Variants in B3GALT1 observed in about 807,000 individuals in gnomAD.
B3GALT1 encodes the protein beta-1,3-galactosyltransferase 1.
In B3GALT1, 10 loss-of-function variants were observed where a neutral mutation model predicts 23.2. The observed-to-expected ratio is 0.43, with a 90% CI of 0.27 to 0.73. The LOEUF (loss-of-function observed/expected upper bound fraction) is 0.73, where lower values mean the gene tolerates loss of function less well. Ranked by LOEUF, B3GALT1 falls within the 30% of genes least tolerant of loss-of-function variation. The probability of loss-of-function intolerance (pLI) is 0.21; values close to 1 mark genes in which losing one functional copy is unlikely to be tolerated. For missense variants in B3GALT1, 299 were observed against 405.4 expected (o/e 0.74, Z 2.25); for synonymous variants, 156 against 141.5 (o/e 1.10, Z -0.73).
chr2:167,832,799 A>G (rs974485966), intron 4 of B3GALT1, among the ~76,000 whole-genome samples: 11 of 152,238 alleles, frequency 7.2e-5, no homozygotes, highest in African/African-American at 2.4e-4. Context: ...ATACAGGGGC[A>G]AGTGAGGGTA....
intron 2 of B3GALT1, among the ~76,000 whole-genome samples, chr2:167,607,200 T>G (rs929927191): frequency 1.3e-5 from 2 of 152,148 alleles, no homozygotes; most frequent in African/African-American, 4.8e-5. Context: ...ATGAAAGAAA[T>G]AAAAAGAAGA....
intron 1 of B3GALT1, among the ~76,000 whole-genome samples, chr2:167,439,780 TTATC>T (rs1466789991): frequency 2.0e-5 from 3 of 152,120 alleles, no homozygotes; most frequent in African/African-American, 7.2e-5. Context: ...TAGCAAATGT[TTATC>T]TATTTCTTCT....
intron 2 of B3GALT1, among the ~76,000 whole-genome samples, chr2:167,493,280 A>C (rs1382159777): frequency 6.6e-6 from 1 of 152,154 alleles, no homozygotes; most frequent in Non-Finnish European, 1.5e-5. Context: ...GATGATACCA[A>C]CTTCACTGGT....
In B3GALT1 at chr2:167,349,786, C is replaced by T. The variant is rs74389665; in HGVS notation, c.-511+56452C>T. Among the ~76,000 whole-genome samples, 823 of 152,106 alleles carry T rather than the reference C, an allele frequency of 5.4e-3. 7 individuals are homozygous for T. Among genetic ancestry groups the T allele is most frequent in the African/African-American group, 0.019 (795 of 41,470 alleles). On this transcript the variant is annotated intron_variant, in intron 1 of 4. Transcript: ENST00000392690. ...CACTGGGGGTCTTGGAATGTATGCC[C>T]CACAAATAACGGGGGGATTGCTGCA...
intron 1 of B3GALT1, among the ~76,000 whole-genome samples, chr2:167,327,608 C>A (rs1019260935): frequency 6.6e-6 from 1 of 150,970 alleles, no homozygotes; most frequent in Non-Finnish European, 1.5e-5. Context: ...TTTATCAACT[C>A]TTAGAGATTT....
At chr2:167,498,236 A>G (rs1197798847) in intron 2 of B3GALT1, among the ~76,000 whole-genome samples, 1 of 152,192 alleles carries the variant, frequency 6.6e-6, no homozygotes. Flanking sequence ...TGCTTTATTA[A>G]TGTATCAAGG....
intron 1 of B3GALT1, among the ~76,000 whole-genome samples, chr2:167,409,715 G>C (rs945519030): frequency 6.6e-6 from 1 of 151,712 alleles, no homozygotes; most frequent in African/African-American, 2.4e-5. Flanking sequence ...TTAGCACAGA[G>C]TTGTTTGTTG....
chr2:167,446,355 T>TC (rs1411346132), intron 1 of B3GALT1, among the ~76,000 whole-genome samples: 11 of 152,174 alleles, frequency 7.2e-5, no homozygotes, highest in South Asian at 2.1e-4. Flanking sequence ...GAGTTGGTCT[T>TC]CTCGAGGAGT....
At chr2:167,612,876 A>C (rs1415718015) in intron 2 of B3GALT1, among the ~76,000 whole-genome samples, 1 of 151,994 alleles carries the variant, frequency 6.6e-6, no homozygotes, top group South Asian at 2.1e-4. Flanking sequence ...CTTATTGAGA[A>C]AGCAAGATTG....
chr2:167,532,854 CTT>C (rs1173819982), intron 2 of B3GALT1, among the ~76,000 whole-genome samples: 3 of 96,442 alleles, frequency 3.1e-5, no homozygotes, highest in African/African-American at 4.2e-5. Context: ...TTTACTGCAT[CTT>C]TTTTTTTTTT....
chr2:167,332,967 C>T (rs1344420985), intron 1 of B3GALT1, among the ~76,000 whole-genome samples: 1 of 152,126 alleles, frequency 6.6e-6, no homozygotes, highest in Non-Finnish European at 1.5e-5. Context: ...TGAGACAGCT[C>T]AGGCAAATTC....
chr2:167,725,102 G>T (rs950071148), intron 3 of B3GALT1, among the ~76,000 whole-genome samples: 3 of 152,164 alleles, frequency 2.0e-5, no homozygotes, highest in Admixed American at 6.5e-5. Flanking sequence ...TCCAGCAGGG[G>T]CATTTTAGCC....
intron 3 of B3GALT1, among the ~76,000 whole-genome samples, chr2:167,733,976 C>T (rs1687452707): frequency 6.6e-6 from 1 of 152,006 alleles, no homozygotes; most frequent in Admixed American, 6.6e-5. Context: ...TGCGGCTCAG[C>T]TTTCAAGGCC....
chr2:167,629,058 C>A (rs753339330), intron 2 of B3GALT1, among the ~76,000 whole-genome samples: 7 of 151,604 alleles, frequency 4.6e-5, no homozygotes, highest in Non-Finnish European at 8.9e-5. Flanking sequence ...GAAATAACCT[C>A]TCTGAGTTAT....
At chr2:167,675,017 A>T (rs980471667) in intron 3 of B3GALT1, among the ~76,000 whole-genome samples, 1 of 152,348 alleles carries the variant, frequency 6.6e-6, no homozygotes, top group South Asian at 2.1e-4. Flanking sequence ...AATTACAGAC[A>T]CATAACAGCC....
chr2:167,859,041 TTCA>T (rs541423534), intron 4 of B3GALT1, among the ~76,000 whole-genome samples: 67 of 152,090 alleles, frequency 4.4e-4, no homozygotes, highest in Non-Finnish European at 8.4e-4. Context: ...TATCACATAG[TTCA>T]TCATTTTTAA....
chr2:167,375,787 A>G (rs576874544), intron 1 of B3GALT1, among the ~76,000 whole-genome samples: 1 of 152,222 alleles, frequency 6.6e-6, no homozygotes, highest in South Asian at 2.1e-4. Flanking sequence ...GTTAGCAAAG[A>G]GAGATCAGTT....
intron 3 of B3GALT1, among the ~76,000 whole-genome samples, chr2:167,794,455 G>A (rs1241150292): frequency 3.9e-5 from 6 of 152,224 alleles, no homozygotes; most frequent in Non-Finnish European, 5.9e-5. Flanking sequence ...GTTGTACTTC[G>A]TATAACAATA....
chr2:167,400,487 C>A (rs1420160743), intron 1 of B3GALT1, among the ~76,000 whole-genome samples: 1 of 152,032 alleles, frequency 6.6e-6, no homozygotes, highest in East Asian at 1.9e-4. Flanking sequence ...ATCAGCACAT[C>A]TCTGTCTATT....
Sources: gnomAD v4.1 joint callset for allele counts (sites outside exome capture counted in the v4.1 genomes callset) on GRCh38, gnomAD v4.1.1 for gene constraint, MANE v1.5 for transcripts, NCBI Gene and HGNC (gene_info 2026-07-23, HGNC 2026-07-21) for gene names.